Variants in ARHGAP24 observed in about 807,000 individuals in gnomAD.
ARHGAP24 encodes Rho GTPase activating protein 24.
Under a neutral mutation model 76.4 loss-of-function variants are expected in ARHGAP24, and 50 were observed. The observed-to-expected ratio is 0.65, with a 90% CI of 0.52 to 0.83. The LOEUF (loss-of-function observed/expected upper bound fraction) is 0.83, where lower values mean the gene tolerates loss of function less well. Ranked by LOEUF, ARHGAP24 falls within the 40% of genes least tolerant of loss-of-function variation. The probability of loss-of-function intolerance (pLI) is 0.00; values close to 1 mark genes in which losing one functional copy is unlikely to be tolerated. For missense variants in ARHGAP24, 930 were observed against 914.2 expected (o/e 1.02, Z -0.22); for synonymous variants, 345 against 323.3 (o/e 1.07, Z -0.72).
intron 2 of ARHGAP24, among the ~76,000 whole-genome samples, chr4:85,625,019 A>T (rs1367666645): frequency 6.6e-6 from 1 of 152,138 alleles, no homozygotes; most frequent in Non-Finnish European, 1.5e-5. Context: ...TTTTCAAAAA[A>T]CCAGCTCCTG....
chr4:85,542,654 CAAAAG>C, intron 1 of ARHGAP24, among the ~76,000 whole-genome samples: 1 of 152,040 alleles, frequency 6.6e-6, no homozygotes. Context: ...GGAAATAAAA[CAAAAG>C]AAATAAAGAC....
chr4:85,826,570 G>A, intron 3 of ARHGAP24, among the ~76,000 whole-genome samples: 1 of 152,128 alleles, frequency 6.6e-6, no homozygotes, highest in East Asian at 1.9e-4. Context: ...CCCTCCTTGA[G>A]AATGCAGCAA....
intron 2 of ARHGAP24, among the ~76,000 whole-genome samples, chr4:85,614,094 G>T (rs1485631474): frequency 6.6e-6 from 1 of 151,906 alleles, no homozygotes; most frequent in Non-Finnish European, 1.5e-5. Flanking sequence ...AACTTTATTG[G>T]CAAAAAATGA....
chr4:85,979,801 A>G (rs958179807), intron 8 of ARHGAP24, among the ~76,000 whole-genome samples: 3 of 152,204 alleles, frequency 2.0e-5, no homozygotes, highest in African/African-American at 7.2e-5. Context: ...AACTCCTCTA[A>G]AAATGAGTAC....
At chr4:85,606,794 T>G (rs1720210124) in intron 2 of ARHGAP24, among the ~76,000 whole-genome samples, 2 of 152,164 alleles carry the variant, frequency 1.3e-5, no homozygotes, top group African/African-American at 4.8e-5. Context: ...TATAAATACA[T>G]AAATGTGTAA....
At chr4:85,596,154 G>A (rs1033292586) in intron 2 of ARHGAP24, among the ~76,000 whole-genome samples, 2 of 151,936 alleles carry the variant, frequency 1.3e-5, no homozygotes, top group African/African-American at 2.4e-5. Flanking sequence ...AATATGATGA[G>A]TAGAAACCAA....
chr4:85,987,565 T>C (rs1183661878), intron 8 of ARHGAP24, among the ~76,000 whole-genome samples: 5 of 152,026 alleles, frequency 3.3e-5, no homozygotes, highest in African/African-American at 9.7e-5. Flanking sequence ...TCTGTAAATA[T>C]GTTCAAGAAG....
intron 1 of ARHGAP24, among the ~76,000 whole-genome samples, chr4:85,536,691 A>C (rs1725483666): frequency 6.6e-6 from 1 of 152,156 alleles, no homozygotes; most frequent in African/African-American, 2.4e-5. Context: ...GACAGGCAGT[A>C]TTTATAATAG....
At chr4:85,477,853 T>A (rs985993058) in intron 1 of ARHGAP24, among the ~76,000 whole-genome samples, 2 of 152,230 alleles carry the variant, frequency 1.3e-5, no homozygotes, top group Non-Finnish European at 2.9e-5. Flanking sequence ...TGCGTTTGTT[T>A]CCTGTTCTTA....
At chr4:85,580,540 T>G (rs1727565371) in intron 2 of ARHGAP24, among the ~76,000 whole-genome samples, 1 of 152,196 alleles carries the variant, frequency 6.6e-6, no homozygotes, top group African/African-American at 2.4e-5. Context: ...ATGGTTGCCA[T>G]GACAAATATG....
chr4:85,818,288 C>T (rs7682945), intron 3 of ARHGAP24, among the ~76,000 whole-genome samples: 97,109 of 151,986 alleles, frequency 0.64, 31,385 homozygotes, highest in East Asian at 0.84. Context: ...TATCTGGGAC[C>T]CCTGCCCACC....
intron 3 of ARHGAP24, among the ~76,000 whole-genome samples, chr4:85,784,879 T>C (rs1251884146): frequency 1.3e-5 from 2 of 152,066 alleles, no homozygotes; most frequent in African/African-American, 4.8e-5. Context: ...CTCTATACAT[T>C]TGGCAATTTG....
intron 1 of ARHGAP24, among the ~76,000 whole-genome samples, chr4:85,530,258 A>G (rs1336271590): frequency 1.3e-5 from 2 of 152,030 alleles, no homozygotes; most frequent in African/African-American, 2.4e-5. Flanking sequence ...TGAGTTCACA[A>G]ATATATACTT....
intron 2 of ARHGAP24, among the ~76,000 whole-genome samples, chr4:85,575,870 A>G (rs1271224571): frequency 6.6e-6 from 1 of 152,242 alleles, no homozygotes; most frequent in Non-Finnish European, 1.5e-5. Flanking sequence ...AATTTGACAC[A>G]GCAGGGCATC....
chr4:85,599,927 G>A (rs1378385245), intron 2 of ARHGAP24, among the ~76,000 whole-genome samples: 1 of 152,014 alleles, frequency 6.6e-6, no homozygotes, highest in Non-Finnish European at 1.5e-5. Flanking sequence ...GTTTCATGAT[G>A]GGAGTCAAAT....
Position 85,855,500 on chromosome 4 carries a change from A to G in ARHGAP24, c.269-68148A>G, listed in dbSNP as rs576194470. 1.3e-4 allele frequency among the ~76,000 whole-genome samples: 20 copies of G among 152,266 alleles called. No individual in the cohort carries two copies. In the South Asian group the frequency reaches 3.9e-3, roughly 30 times the overall value. On this transcript the variant is annotated intron_variant, in intron 3 of 9. Transcript: ENST00000395184. ...GGTGGGTGGATCACCTGAGGTCAGG[A>G]GTTCGAGACCAGCCTGACCAACATG...
intron 2 of ARHGAP24, among the ~76,000 whole-genome samples, chr4:85,630,118 G>A (rs1721109698): frequency 6.6e-6 from 1 of 151,912 alleles, no homozygotes; most frequent in Non-Finnish European, 1.5e-5. Context: ...CTTCTTGACT[G>A]AGTCTGCGGT....
Position 85,487,807 on chromosome 4 carries a change from A to G in ARHGAP24, c.-21+12248A>G, listed in dbSNP as rs1182004807. On this transcript the variant is annotated intron_variant, in intron 1 of 9. Transcript: ENST00000395184. ...TATATTATATAAATATATATTTATT[A>G]CATATTATATAAACATATTTATTAC... is the stretch of plus-strand genomic sequence containing the variant. Among the ~76,000 whole-genome samples the G allele has an allele frequency of 3.5e-5, 4 of 114,132 alleles. No homozygotes were observed. The South Asian group carries it at 9.3e-4, about 27-fold the overall frequency. 74.9% of individuals were successfully genotyped at this position (114,132 alleles called of 152,430 possible).
intron 1 of ARHGAP24, among the ~76,000 whole-genome samples, chr4:85,528,426 CA>C (rs1381031473): frequency 6.6e-6 from 1 of 151,954 alleles, no homozygotes; most frequent in African/African-American, 2.4e-5. Context: ...TATGTACACA[CA>C]AAAAATTTCT....
Sources: gnomAD v4.1 joint callset for allele counts (sites outside exome capture counted in the v4.1 genomes callset) on GRCh38, gnomAD v4.1.1 for gene constraint, MANE v1.5 for transcripts, NCBI Gene and HGNC (gene_info 2026-07-23, HGNC 2026-07-21) for gene names.